ARK2N: variants seen among roughly 807,000 people sequenced by gnomAD.
ARK2N encodes the protein arkadia (RNF111) N-terminal like PKA signaling regulator 2N, also known as protein ARK2N.
At chr18:46,197,713 G>A in the ARK2N span, among the ~76,000 whole-genome samples, 7 of 152,132 alleles carry the variant, frequency 4.6e-5, no homozygotes, top group South Asian at 2.1e-4. Flanking sequence ...CCAGTTAGTC[G>A]TTGGATAACA....
At chr18:46,245,585 AAAAG>A in the ARK2N span, among the ~76,000 whole-genome samples, 2 of 151,396 alleles carry the variant, frequency 1.3e-5, no homozygotes, top group East Asian at 1.9e-4. Context: ...AAAAAAAAAA[AAAAG>A]AAAGAAAAAA....
the ARK2N span, among the ~76,000 whole-genome samples, chr18:46,208,248 C>T: frequency 6.6e-6 from 1 of 152,174 alleles, no homozygotes; most frequent in Non-Finnish European, 1.5e-5. Context: ...CATTCATCCT[C>T]ACCTTAACTA....
At chr18:46,235,220 G>A in the ARK2N span, among the ~76,000 whole-genome samples, 5 of 152,128 alleles carry the variant, frequency 3.3e-5, no homozygotes, top group South Asian at 2.1e-4. Flanking sequence ...ATGAATACAC[G>A]CAAGCTGATA....
chr18:46,211,633 G>T, the ARK2N span, among the ~76,000 whole-genome samples: 3 of 152,178 alleles, frequency 2.0e-5, no homozygotes. Flanking sequence ...GGTGTGGCAG[G>T]TGGACGAGAG....
the ARK2N span, among the ~76,000 whole-genome samples, chr18:46,199,824 A>C: frequency 6.6e-6 from 1 of 152,182 alleles, no homozygotes; most frequent in South Asian, 2.1e-4. Flanking sequence ...GTATATGTTT[A>C]GCTGTTTGAC....
chr18:46,208,519 G>C, the ARK2N span, among the ~76,000 whole-genome samples: 2 of 130,058 alleles, frequency 1.5e-5, no homozygotes, highest in African/African-American at 5.7e-5. Context: ...CACCAGGCTA[G>C]AGTGCAATGG....
At chr18:46,256,555 A>G in the ARK2N span, among the ~76,000 whole-genome samples, 4 of 152,224 alleles carry the variant, frequency 2.6e-5, no homozygotes, top group African/African-American at 4.8e-5. Context: ...GACTTTGTCT[A>G]CATTTTAAAT....
the ARK2N span, among the ~76,000 whole-genome samples, chr18:46,254,107 CTT>C: frequency 6.6e-6 from 1 of 152,282 alleles, no homozygotes; most frequent in Admixed American, 6.5e-5. Context: ...GCTTGACAGA[CTT>C]TTCATTTAAG....
At chr18:46,188,955 C>A in the ARK2N span, among the ~76,000 whole-genome samples, 1 of 152,110 alleles carries the variant, frequency 6.6e-6, no homozygotes, top group African/African-American at 2.4e-5. Flanking sequence ...TGGCTCACGC[C>A]TGTAATCCCA....
the ARK2N span, among the ~76,000 whole-genome samples, chr18:46,189,982 G>GA: frequency 0.17 from 25,834 of 152,148 alleles, 2,590 homozygotes; most frequent in East Asian, 0.4. Flanking sequence ...TGTGTAGCAC[G>GA]ATCTAGTCTT....
At chr18:46,245,288 C>T in the ARK2N span, among the ~76,000 whole-genome samples, 1 of 152,014 alleles carries the variant, frequency 6.6e-6, no homozygotes, top group African/African-American at 2.4e-5. Context: ...TAAAAGTAGG[C>T]TGGGTGCTGT....
chr18:46,225,085 G>A, the ARK2N span, among the ~76,000 whole-genome samples: 2 of 152,172 alleles, frequency 1.3e-5, no homozygotes, highest in Admixed American at 6.5e-5. Flanking sequence ...GAAGTTCCAC[G>A]TGTGGATGGA....
the ARK2N span, among the ~76,000 whole-genome samples, chr18:46,234,849 TTC>T: frequency 6.6e-6 from 1 of 152,200 alleles, no homozygotes; most frequent in Non-Finnish European, 1.5e-5. Flanking sequence ...ATTTTTTTTC[TTC>T]TCTTAGTGAG....
At chr18:46,246,671 G>A in the ARK2N span, among the ~76,000 whole-genome samples, 3 of 23,764 alleles carry the variant, frequency 1.3e-4, no homozygotes, top group South Asian at 2.1e-3. Context: ...GGCTAGGCGC[G>A]GAGGCTCACA....
the ARK2N span, among the ~76,000 whole-genome samples, chr18:46,182,759 G>T: frequency 7.0e-6 from 1 of 142,898 alleles, no homozygotes; most frequent in Non-Finnish European, 1.5e-5. Flanking sequence ...CACAGCCCTG[G>T]TGCAGGTCCA....
At chr18:46,202,354 A>G in the ARK2N span, among the ~76,000 whole-genome samples, 2 of 152,212 alleles carry the variant, frequency 1.3e-5, no homozygotes, top group African/African-American at 4.8e-5. Context: ...GCACCCATGT[A>G]CTTGTAGCAT....
chr18:46,247,382 T>C, the ARK2N span, among the ~76,000 whole-genome samples: 1 of 152,064 alleles, frequency 6.6e-6, no homozygotes, highest in South Asian at 2.1e-4. Context: ...CTAGAGAGGG[T>C]AGAATTATAA....
At chr18:46,207,388 C>CTTTTTTTTTTTTTTTTTTTT in the ARK2N span, among the ~76,000 whole-genome samples, 14 of 115,910 alleles carry the variant, frequency 1.2e-4, no homozygotes, top group African/African-American at 4.5e-4. Context: ...AGTTTCTATA[C>CTTTTTTTTTTTTTTTTTTTT]TTTTTTTTTT....
At chr18:46,194,077 C>G in the ARK2N span, among the ~76,000 whole-genome samples, 1 of 152,092 alleles carries the variant, frequency 6.6e-6, no homozygotes, top group African/African-American at 2.4e-5. Context: ...ACTGCCACAT[C>G]CAACTCCTGG....
Sources: gnomAD v4.1 joint callset for allele counts (sites outside exome capture counted in the v4.1 genomes callset) on GRCh38, gnomAD v4.1.1 for gene constraint, MANE v1.5 for transcripts, NCBI Gene and HGNC (gene_info 2026-07-23, HGNC 2026-07-21) for gene names.